Variants in ARHGAP32 observed in about 807,000 individuals in gnomAD.
ARHGAP32 encodes rho GTPase-activating protein 32.
In ARHGAP32, 51 loss-of-function variants were observed where a neutral mutation model predicts 186.5. That is an observed-to-expected ratio of 0.27 (90% CI 0.22 to 0.35). ARHGAP32 has a LOEUF of 0.35. Ranked by LOEUF, ARHGAP32 falls within the 10% of genes least tolerant of loss-of-function variation. The pLI is 1.00. For missense variants in ARHGAP32, 2,186 were observed against 2,623.5 expected, an observed-to-expected ratio of 0.83 and a Z score of 3.64; for synonymous variants, 950 against 964.3, an observed-to-expected ratio of 0.99 and a Z score of 0.27.
upstream of ARHGAP32, among the ~76,000 whole-genome samples, chr11:129,279,533 G>GGCCGGCGCGT (rs1945584670): frequency 6.9e-6 from 1 of 145,810 alleles, no homozygotes; most frequent in African/African-American, 2.5e-5. Context: ...CCGCCCAGCT[G>GGCCGGCGCGT]GCCGGCGCGT....
intron 12 of ARHGAP32, among the ~76,000 whole-genome samples, chr11:128,988,603 G>A (rs1945947934): frequency 6.6e-6 from 1 of 152,128 alleles, no homozygotes; most frequent in Admixed American, 6.5e-5. Context: ...TCTAGAAAAG[G>A]ATCTTCTATA....
chr11:129,179,508 G>A (rs544767218), intron 1 of ARHGAP32, among the ~76,000 whole-genome samples: 15 of 151,632 alleles, frequency 9.9e-5, no homozygotes, highest in Admixed American at 5.9e-4. Context: ...TGTTTATTGC[G>A]GCATTATTCA....
At chr11:128,985,850 G>GTA (rs1421146133) in intron 15 of ARHGAP32, 153 bp downstream of exon 15, 14 of 130,324 alleles carry the variant, frequency 1.1e-4, no homozygotes, top group African/African-American at 2.6e-4. Context: ...GTGTGTGTGT[G>GTA]TGTGTGTGTA....
In ARHGAP32 at chr11:128,978,885, A is replaced by T; in HGVS notation, c.2007T>A (p.Ser669=). 1 of 1,609,768 alleles carries T rather than the reference A, an allele frequency of 6.2e-7. No homozygotes were observed. Among genetic ancestry groups the T allele is most frequent in the South Asian group, 1.1e-5 (1 of 90,376 alleles). ...RKRPQNKMKK[S]PVGSWRSFFN... is the part of the protein sequence containing the mutation. ...AAAAGGAACGCCAGCTACCCACAGG[A>T]GACTTTTTCATCTTATTTTGAGGCC... Residue 669 remains serine, a synonymous_variant, in exon 19 of 23, where the codon TCT becomes TCA. Transcript: ENST00000682385.
intron 5 of ARHGAP32, among the ~76,000 whole-genome samples, chr11:129,096,312 G>A (rs1941726589): frequency 6.6e-6 from 1 of 152,178 alleles, no homozygotes; most frequent in Admixed American, 6.5e-5. Context: ...ACACGAGAAA[G>A]AGAAGATTCT....
At chr11:129,157,131 GC>G in intron 2 of ARHGAP32, among the ~76,000 whole-genome samples, 1 of 152,174 alleles carries the variant, frequency 6.6e-6, no homozygotes, top group South Asian at 2.1e-4. Context: ...AAAAACCAGA[GC>G]AAAAAGGCTG....
chr11:128,988,962 C>A (rs1194607473), intron 12 of ARHGAP32, among the ~76,000 whole-genome samples: 1 of 152,120 alleles, frequency 6.6e-6, no homozygotes, highest in Non-Finnish European at 1.5e-5. Flanking sequence ...TTAGTATGAT[C>A]ATTTGATAGG....
intron 1 of ARHGAP32, among the ~76,000 whole-genome samples, chr11:129,273,132 C>T (rs1170081939): frequency 6.6e-6 from 1 of 152,158 alleles, no homozygotes; most frequent in East Asian, 1.9e-4. Context: ...CTCAAACTGC[C>T]AGATCATTCC....
At chr11:128,975,935 G>T (rs1294877910) in intron 20 of ARHGAP32, among the ~76,000 whole-genome samples, 1 of 151,946 alleles carries the variant, frequency 6.6e-6, no homozygotes, top group Non-Finnish European at 1.5e-5. Flanking sequence ...TTATGCTCCC[G>T]GGCATGGTGG....
intron 11 of ARHGAP32, among the ~76,000 whole-genome samples, chr11:129,016,940 ATAGTCT>A (rs1349441810): frequency 6.6e-6 from 1 of 152,204 alleles, no homozygotes; most frequent in Non-Finnish European, 1.5e-5. Flanking sequence ...TTTGTTGTAG[ATAGTCT>A]TAGGAACTTT....
intron 6 of ARHGAP32, among the ~76,000 whole-genome samples, chr11:129,088,242 T>C (rs1037267373): frequency 3.3e-5 from 5 of 152,214 alleles, no homozygotes; most frequent in Non-Finnish European, 7.3e-5. Flanking sequence ...TTTCAGCAGA[T>C]ATAAAACAAG....
At position 128,998,531 on chromosome 11, in the gene ARHGAP32, A is replaced by G. The variant is rs897970093; in HGVS notation, c.1046-63T>C. On this transcript the variant is annotated intron_variant, in intron 11 of 22. Coordinates refer to ENST00000682385, the MANE Select transcript of ARHGAP32 (RefSeq NM_001378024.1). ...AAGAGGTTACATTTTACTTAGCATA[A>G]AAACAAACATATCTCAAGAGGCTGA... The G allele has an allele frequency of 1.2e-5, 16 of 1,291,738 alleles. No homozygotes were observed. In the Middle Eastern group the frequency reaches 7.8e-4, roughly 63 times the overall value. 80.0% of individuals were successfully genotyped at this position (1,291,738 alleles called of 1,614,324 possible). A position where few individuals can be genotyped will look rare whatever the true frequency, so the allele number is the denominator to read the frequency against.
chr11:129,052,320 A>G (rs902246265), intron 10 of ARHGAP32, among the ~76,000 whole-genome samples: 1 of 152,188 alleles, frequency 6.6e-6, no homozygotes, highest in South Asian at 2.1e-4. Flanking sequence ...CTTTGTAGTA[A>G]ATCTTCAGTT....
intron 18 of ARHGAP32, among the ~76,000 whole-genome samples, chr11:128,979,943 C>A (rs1194705292): frequency 6.6e-6 from 1 of 152,164 alleles, no homozygotes; most frequent in African/African-American, 2.4e-5. Flanking sequence ...AAAGAGTGAA[C>A]TGCTGCAGTG....
intron 1 of ARHGAP32, among the ~76,000 whole-genome samples, chr11:129,252,582 G>A (rs952238981): frequency 2.0e-5 from 3 of 152,172 alleles, no homozygotes; most frequent in African/African-American, 7.2e-5. Context: ...CAGCAGAAGA[G>A]GTCTTCCAAA....
chr11:129,211,932 A>T (rs1405136009), intron 1 of ARHGAP32, among the ~76,000 whole-genome samples: 1 of 152,172 alleles, frequency 6.6e-6, no homozygotes, highest in Non-Finnish European at 1.5e-5. Context: ...AGGTGGGAAG[A>T]TCACTTGAGT....
chr11:129,254,188 C>T (rs1945225427), intron 1 of ARHGAP32, among the ~76,000 whole-genome samples: 1 of 151,968 alleles, frequency 6.6e-6, no homozygotes, highest in South Asian at 2.1e-4. Flanking sequence ...ATTTATACAG[C>T]CCATGTGCAC....
intron 10 of ARHGAP32, among the ~76,000 whole-genome samples, chr11:129,044,396 G>A (rs1403462814): frequency 1.3e-5 from 2 of 152,082 alleles, no homozygotes; most frequent in Admixed American, 6.6e-5. Context: ...TTATGGCAGA[G>A]GTTGCAAAAT....
intron 18 of ARHGAP32, 84 bp from the exon 19 acceptor site, chr11:128,978,999 A>T: frequency 8.0e-7 from 1 of 1,248,708 alleles, no homozygotes. Context: ...CATGACAGAA[A>T]GAACCAAACA....
Sources: allele counts gnomAD v4.1 joint callset (sites outside exome capture counted in the v4.1 genomes callset), GRCh38; gene constraint gnomAD v4.1.1; transcripts MANE v1.5; gene names NCBI Gene and HGNC (gene_info 2026-07-23, HGNC 2026-07-21).